The following ESR1 variants were observed in gnomAD, a reference collection of about 807,000 sequenced individuals.
The protein encoded by ESR1 is estrogen receptor.
ESR1 carries 12 observed loss-of-function variants against 52.7 expected under a neutral mutation model. That is an observed-to-expected ratio of 0.23 (90% CI 0.15 to 0.37). ESR1 has a LOEUF of 0.37. Among genes scored for constraint, ESR1 ranks in the 10% least tolerant of loss-of-function variants. The pLI is 1.00. For synonymous variants in ESR1, 305 were observed against 316.8 expected (o/e 0.96, Z 0.39); for missense variants, 584 against 779.7 (o/e 0.75, Z 2.99).
At chr6:151,961,411 G>A (rs3020400) in intron 4 of ESR1, among the ~76,000 whole-genome samples, 85,320 of 151,880 alleles carry the variant, frequency 0.56, 25,652 homozygotes, top group Middle Eastern at 0.73. Context: ...AAGAGCAGCC[G>A]TGATAGAGGG....
intron 1 of ESR1, among the ~76,000 whole-genome samples, chr6:151,662,665 A>T (rs1458940288): frequency 6.6e-6 from 1 of 152,186 alleles, no homozygotes; most frequent in East Asian, 1.9e-4. Flanking sequence ...GCAAGAGAAG[A>T]TGTACCATGA....
chr6:151,714,355 C>T (rs980000272), intron 2 of ESR1, among the ~76,000 whole-genome samples: 1 of 152,106 alleles, frequency 6.6e-6, no homozygotes, highest in African/African-American at 2.4e-5. Flanking sequence ...ATTAGGTCTG[C>T]TTGGTCCAGA....
At chr6:151,950,289 G>A (rs1331041634) in intron 4 of ESR1, among the ~76,000 whole-genome samples, 1 of 152,180 alleles carries the variant, frequency 6.6e-6, no homozygotes, top group African/African-American at 2.4e-5. Context: ...TATGTTGAAC[G>A]TAGTGGACTT....
At chr6:151,893,301 A>T (rs2128373917) in intron 3 of ESR1, among the ~76,000 whole-genome samples, 1 of 152,286 alleles carries the variant, frequency 6.6e-6, no homozygotes, top group East Asian at 1.9e-4. Context: ...GTGAGTTAAG[A>T]TGGCACCATT....
chr6:151,898,624 G>C (rs1351333671), intron 3 of ESR1, among the ~76,000 whole-genome samples: 1 of 151,920 alleles, frequency 6.6e-6, no homozygotes, highest in African/African-American at 2.4e-5. Flanking sequence ...CTGCCTTCAA[G>C]CATCTGTTTA....
intron 4 of ESR1, among the ~76,000 whole-genome samples, chr6:151,946,284 T>G (rs1459314657): frequency 6.6e-6 from 1 of 152,236 alleles, no homozygotes; most frequent in Non-Finnish European, 1.5e-5. Flanking sequence ...CTTGGGAATA[T>G]TAGCTCTGGA....
At chr6:151,756,921 C>T (rs977472596) in intron 2 of ESR1, among the ~76,000 whole-genome samples, 10 of 152,200 alleles carry the variant, frequency 6.6e-5, no homozygotes, top group African/African-American at 2.2e-4. Context: ...ACCCTGGAGG[C>T]GAAGGTTGCA....
Position 151,777,817 on chromosome 6 carries a change from G to A in ESR1, c.-70-30026G>A, listed in dbSNP as rs190897888. Among the ~76,000 whole-genome samples the A allele has an allele frequency of 9.9e-5, 15 of 152,030 alleles. No homozygotes were observed. In the South Asian group the frequency reaches 1.5e-3, roughly 15 times the overall value. On this transcript the variant is annotated intron_variant, in intron 2 of 2. Transcript: ENST00000404742. ...CCTACTAAAAATACAAAAATTAGCC[G>A]GGCACGGTGGTGCATGCCTGTAACC...
rs1057519715 is a variant in ESR1 at position 152,098,779 on chromosome 6, T to C, written c.1601T>C (p.Val534Ala). Residue 534 changes from valine to alanine, a missense_variant, in exon 8 of 8, where the codon GTG (valine) becomes GCG (alanine). Physicochemically the swap from Val to Ala is moderately conservative, Grantham distance 64 (BLOSUM62 0). Coordinates refer to ENST00000206249, the MANE Select transcript of ESR1 (RefSeq NM_000125.4). The surrounding 1 kb of genome is among the most constrained non-coding windows in gnomAD (Gnocchi z 5.1). ...HLYSMKCKNV[V>A]PLYDLLLEML... The stretch of plus-strand genomic sequence containing the variant: ...TACAGCATGAAGTGCAAGAACGTGG[T>C]GCCCCTCTATGACCTGCTGCTGGAG... 6.2e-7 allele frequency: 1 copy of C among 1,614,152 alleles called. No individual in the cohort carries two copies. The highest frequency in any genetic ancestry group is 8.5e-7 in the Non-Finnish European group (1 of 1,180,016).
At chr6:151,994,279 A>C (rs2041282055) in intron 4 of ESR1, among the ~76,000 whole-genome samples, 1 of 152,170 alleles carries the variant, frequency 6.6e-6, no homozygotes, top group Non-Finnish European at 1.5e-5. Flanking sequence ...TACAACTCTG[A>C]GGTCCCTTCT....
chr6:151,777,468 A>G (rs1786120567), intron 2 of ESR1, among the ~76,000 whole-genome samples: 1 of 152,062 alleles, frequency 6.6e-6, no homozygotes, highest in Non-Finnish European at 1.5e-5. Flanking sequence ...GTTAGGGTTG[A>G]GGCAATGGAA....
chr6:151,923,580 T>C (rs1180103700), intron 3 of ESR1, among the ~76,000 whole-genome samples: 1 of 152,210 alleles, frequency 6.6e-6, no homozygotes, highest in Non-Finnish European at 1.5e-5. Context: ...AATCATACAA[T>C]ATGTAGCTTT....
intron 2 of ESR1, among the ~76,000 whole-genome samples, chr6:151,739,890 C>T (rs541465506): frequency 1.3e-5 from 2 of 152,274 alleles, no homozygotes; most frequent in South Asian, 2.1e-4. Flanking sequence ...CATCTCTTCC[C>T]TTTCTTCCTC....
rs2046119282 is a variant in ESR1 at position 152,045,070 on chromosome 6, T to C, written c.1236-15921T>C. The stretch of plus-strand genomic sequence containing the variant: ...TTAGATAACTGCCAAGTGAGAGAGG[T>C]AGAGGTAGCAAGTGCTGTCTGTGGG... On this transcript the variant is annotated intron_variant, in intron 5 of 7. Coordinates refer to ENST00000206249, the MANE Select transcript of ESR1 (RefSeq NM_000125.4). Among the ~76,000 whole-genome samples the C allele has an allele frequency of 2.0e-5, 3 of 152,064 alleles. No individual in the cohort carries two copies. The South Asian group carries it at 6.2e-4, about 32-fold the overall frequency.
At chr6:151,697,439 C>T (rs1283246413) in intron 1 of ESR1, among the ~76,000 whole-genome samples, 11 of 152,088 alleles carry the variant, frequency 7.2e-5, no homozygotes, top group African/African-American at 2.4e-5. Context: ...ACCAGACAGC[C>T]GTCAAAACAT....
chr6:151,686,751 T>C (rs1211468307), upstream of ESR1, among the ~76,000 whole-genome samples: 4 of 152,074 alleles, frequency 2.6e-5, no homozygotes, highest in Non-Finnish European at 2.9e-5. Context: ...AGGCCCTGGA[T>C]GCATGTTTAA....
intron 5 of ESR1, among the ~76,000 whole-genome samples, chr6:152,021,097 T>C (rs562727953): frequency 6.6e-6 from 1 of 152,174 alleles, no homozygotes; most frequent in Admixed American, 6.5e-5. Flanking sequence ...GGTGTGTCTG[T>C]GAGGGTGTTA....
chr6:151,881,341 C>T (rs1792878431), intron 3 of ESR1, among the ~76,000 whole-genome samples: 2 of 152,170 alleles, frequency 1.3e-5, no homozygotes, highest in South Asian at 4.1e-4. Context: ...GAGCACTACA[C>T]TAACAAGTGT....
chr6:151,911,776 G>A (rs1200622015), intron 3 of ESR1, among the ~76,000 whole-genome samples: 1 of 152,180 alleles, frequency 6.6e-6, no homozygotes, highest in Non-Finnish European at 1.5e-5. Flanking sequence ...GAGACTCTAT[G>A]CAGGAAGTTC....
Sources: gnomAD v4.1 joint callset for allele counts (sites outside exome capture counted in the v4.1 genomes callset) on GRCh38, gnomAD v4.1.1 for gene constraint, Gnocchi (gnomAD v3.1) non-coding constraint, MANE v1.5 for transcripts, NCBI Gene and HGNC (gene_info 2026-07-23, HGNC 2026-07-21) for gene names.